EPHA6: variants seen among roughly 807,000 people sequenced by gnomAD.
EPHA6 encodes the protein ephrin type-A receptor 6.
A neutral mutation model predicts 112.0 loss-of-function variants in EPHA6; 50 were observed. The observed-to-expected ratio is 0.45, with a 90% CI of 0.36 to 0.56. The LOEUF is 0.56. EPHA6 is among the 20% of genes least tolerant of loss of function. The probability of loss-of-function intolerance (pLI) is 0.00; values close to 1 mark genes in which losing one functional copy is unlikely to be tolerated. For synonymous variants in EPHA6, 529 were observed against 490.7 expected, an observed-to-expected ratio of 1.08 and a Z score of -1.03; for missense variants, 1,280 against 1,417.4, an observed-to-expected ratio of 0.90 and a Z score of 1.56.
intron 3 of EPHA6, among the ~76,000 whole-genome samples, chr3:97,164,538 G>A (rs2076492836): frequency 6.6e-6 from 1 of 151,980 alleles, no homozygotes; most frequent in Non-Finnish European, 1.5e-5. Context: ...GCAAAAATAA[G>A]TAGAGGCTTG....
chr3:97,369,158 A>C (rs2084908140), intron 5 of EPHA6, among the ~76,000 whole-genome samples: 1 of 152,240 alleles, frequency 6.6e-6, no homozygotes, highest in Admixed American at 6.5e-5. Context: ...GTCATGATAT[A>C]ACAATGAAAT....
At position 96,988,075 on chromosome 3, in the gene EPHA6, A is replaced by G. The variant is rs1057432993; in HGVS notation, c.1114+82A>G. ...TTATTTTTTAAATTAACAAATAGTA[A>G]TTGTGCATATTCATGGGTGTGTAGT... On this transcript the variant is annotated intron_variant, in intron 3 of 17. Coordinates refer to ENST00000389672, the MANE Select transcript of EPHA6 (RefSeq NM_001080448.3). 68 of 1,094,242 alleles carry G rather than the reference A, an allele frequency of 6.2e-5. 1 individual carries two copies. In the African/African-American group the frequency reaches 1.0e-3, roughly 16 times the overall value. 67.8% of individuals were successfully genotyped at this position (1,094,242 alleles called of 1,614,324 possible).
intron 2 of EPHA6, among the ~76,000 whole-genome samples, chr3:96,957,061 G>C (rs2041794074): frequency 6.6e-6 from 1 of 151,686 alleles, no homozygotes; most frequent in East Asian, 1.9e-4. Flanking sequence ...CTGAACCACA[G>C]TGATGAGAAA....
intron 2 of EPHA6, among the ~76,000 whole-genome samples, chr3:96,945,275 T>G (rs2041194354): frequency 6.6e-6 from 1 of 152,158 alleles, no homozygotes; most frequent in South Asian, 2.1e-4. Context: ...CCATGCCCAA[T>G]AGTCTGTTTT....
At position 97,052,201 on chromosome 3, in the gene EPHA6, C is replaced by T. The variant is rs115963092; in HGVS notation, c.1114+64208C>T. 2.8e-3 allele frequency among the ~76,000 whole-genome samples: 423 copies of T among 152,164 alleles called. 1 individual carries two copies. The highest frequency in any genetic ancestry group is 9.6e-3 in the African/African-American group (400 of 41,554). ...GCACACTGTTACATTATGCCACTCACGCATATACTCTATTTCCCCCATGCC... is the reference window on the plus strand; with the variant it reads ...GCACACTGTTACATTATGCCACTCATGCATATACTCTATTTCCCCCATGCC... On this transcript the variant is annotated intron_variant, in intron 3 of 17. Transcript: ENST00000389672.
chr3:97,244,129 T>A lies in EPHA6; in HGVS notation c.1448T>A (p.Ile483Asn), dbSNP rs1385176530. 1 of 1,612,960 alleles carries A rather than the reference T, an allele frequency of 6.2e-7. No individual in the cohort carries two copies. Among genetic ancestry groups the A allele is most frequent in the Non-Finnish European group, 8.5e-7 (1 of 1,179,354 alleles). Reference protein sequence around the residue: ...CEDCGGGLRFIPRHTGLINNS... With the variant: ...CEDCGGGLRFNPRHTGLINNS... ...GACTGTGGTGGAGGACTCCGCTTCA[T>A]CCCAAGACATACAGGCCTGATCAAC... is the stretch of plus-strand genomic sequence containing the variant. Residue 483 changes from isoleucine (I) to asparagine (N), a missense_variant, in exon 5 of 18, where the codon ATC becomes AAC. This residue lies in a region of EPHA6 where 878 missense variants were observed against 999.7 expected (regional missense o/e 0.88). Coordinates refer to ENST00000389672, the MANE Select transcript of EPHA6 (RefSeq NM_001080448.3).
At chr3:97,417,328 A>G (rs1413127321) in intron 6 of EPHA6, among the ~76,000 whole-genome samples, 1 of 152,060 alleles carries the variant, frequency 6.6e-6, no homozygotes, top group African/African-American at 2.4e-5. Context: ...GCTTTTCCTG[A>G]CACACTGTAA....
At chr3:97,656,484 G>C (rs1295686169) in intron 14 of EPHA6, among the ~76,000 whole-genome samples, 1 of 151,738 alleles carries the variant, frequency 6.6e-6, no homozygotes, top group Non-Finnish European at 1.5e-5. Context: ...TCTGAAGCTA[G>C]AGAAAATGCT....
intron 2 of EPHA6, among the ~76,000 whole-genome samples, chr3:96,937,180 G>A (rs942469999): frequency 9.9e-5 from 15 of 152,072 alleles, no homozygotes; most frequent in South Asian, 2.1e-4. Flanking sequence ...CTGAGGAATC[G>A]CCACACTGAC....
chr3:97,506,201 T>C (rs1215100346), intron 10 of EPHA6, among the ~76,000 whole-genome samples: 1 of 152,228 alleles, frequency 6.6e-6, no homozygotes, highest in African/African-American at 2.4e-5. Context: ...ATCCCATTTG[T>C]CTATTTTGGC....
chr3:96,932,276 A>C lies in EPHA6; in HGVS notation c.451-55054A>C, dbSNP rs1180165751. Among the ~76,000 whole-genome samples, 16 of 152,246 alleles carry C rather than the reference A, an allele frequency of 1.1e-4. No homozygotes were observed. The South Asian group carries it at 3.1e-3, about 30-fold the overall frequency. ...TCATTCCTCTATGTGAGTAGTGTGG[A>C]CTGCAGCTGCTTTTAATTGGCCATC... On this transcript the variant is annotated intron_variant, in intron 2 of 17. Coordinates refer to ENST00000389672, the MANE Select transcript of EPHA6 (RefSeq NM_001080448.3).
At chr3:97,168,486 G>A (rs2076597146) in intron 3 of EPHA6, among the ~76,000 whole-genome samples, 1 of 151,746 alleles carries the variant, frequency 6.6e-6, no homozygotes, top group South Asian at 2.1e-4. Context: ...CCTTCCCCTT[G>A]CACGTGTCCA....
At chr3:97,219,362 T>C (rs2078125855) in intron 3 of EPHA6, among the ~76,000 whole-genome samples, 2 of 152,162 alleles carry the variant, frequency 1.3e-5, no homozygotes. Context: ...ACTTCTGCCA[T>C]ATAATGAAAT....
chr3:97,358,103 T>C (rs575147644), intron 5 of EPHA6, among the ~76,000 whole-genome samples: 41 of 152,322 alleles, frequency 2.7e-4, no homozygotes, highest in African/African-American at 9.4e-4. Context: ...GGGTCAACTG[T>C]ACCTCTGTCA....
At chr3:96,933,828 A>G (rs2040451953) in intron 2 of EPHA6, among the ~76,000 whole-genome samples, 1 of 152,092 alleles carries the variant, frequency 6.6e-6, no homozygotes, top group African/African-American at 2.4e-5. Flanking sequence ...GAGAGTATGG[A>G]TATTTAATAT....
intron 14 of EPHA6, among the ~76,000 whole-genome samples, chr3:97,690,276 G>T (rs754087068): frequency 2.0e-5 from 3 of 152,176 alleles, no homozygotes; most frequent in Non-Finnish European, 4.4e-5. Flanking sequence ...AGGAATGAGG[G>T]TTCTAATTTC....
At chr3:97,257,961 G>T (rs2079371815) in intron 5 of EPHA6, among the ~76,000 whole-genome samples, 1 of 151,950 alleles carries the variant, frequency 6.6e-6, no homozygotes, top group Non-Finnish European at 1.5e-5. Flanking sequence ...TTTATGAAAT[G>T]TTACCAATGT....
chr3:97,485,949 C>A (rs184600066), intron 10 of EPHA6, among the ~76,000 whole-genome samples: 1 of 152,172 alleles, frequency 6.6e-6, no homozygotes, highest in Admixed American at 6.5e-5. Context: ...TGTCTGAAAT[C>A]ATAATGTTGA....
At chr3:97,328,365 G>A (rs1421971555) in intron 5 of EPHA6, among the ~76,000 whole-genome samples, 1 of 151,702 alleles carries the variant, frequency 6.6e-6, no homozygotes, top group Non-Finnish European at 1.5e-5. Flanking sequence ...CCAGAATTTG[G>A]TATCATCACT....
Sources: gnomAD v4.1 joint callset for allele counts (sites outside exome capture counted in the v4.1 genomes callset) on GRCh38, gnomAD v4.1.1 for gene constraint, gnomAD v4.1.1 regional missense constraint, MANE v1.5 for transcripts, NCBI Gene and HGNC (gene_info 2026-07-23, HGNC 2026-07-21) for gene names.